Variants in TMEM230 observed in about 807,000 individuals in gnomAD.
TMEM230 encodes transmembrane protein 230, also known as UPF0414 transmembrane protein C20orf30.
A neutral mutation model predicts 15.8 loss-of-function variants in TMEM230; 10 were observed. The observed-to-expected ratio is 0.63, with a 90% CI of 0.39 to 1.07. TMEM230 has a LOEUF of 1.07. TMEM230 is among the 50% of genes least tolerant of loss of function. The probability of loss-of-function intolerance (pLI) is 0.01; values close to 1 mark genes in which losing one functional copy is unlikely to be tolerated. For synonymous variants in TMEM230, 67 were observed against 76.9 expected, an observed-to-expected ratio of 0.87 and a Z score of 0.68; for missense variants, 165 against 193.3, an observed-to-expected ratio of 0.85 and a Z score of 0.87.
At chr20:5,112,642 CTCCCTCAGCACCTGAATGT>C (rs1419834145) in intron 1 of TMEM230, 5 of 1,294,938 alleles carry the variant, frequency 3.9e-6, no homozygotes, top group Non-Finnish European at 4.9e-6. Flanking sequence ...TACCCCCAAA[CTCCCTCAGCACCTGAATGT>C]TACGAGAGTT....
At chr20:5,075,317 G>C (rs1048785945) in intron 3 of TMEM230, among the ~76,000 whole-genome samples, 1 of 151,392 alleles carries the variant, frequency 6.6e-6, no homozygotes, top group African/African-American at 2.4e-5. Context: ...CACCCGTCTC[G>C]GCCTCCCAAA....
At chr20:5,105,977 G>A (rs1036553103) in intron 4 of TMEM230, among the ~76,000 whole-genome samples, 21 of 151,964 alleles carry the variant, frequency 1.4e-4, no homozygotes, top group African/African-American at 4.8e-4. Flanking sequence ...GAGGTGAGAG[G>A]ATCGCTTGAG....
Position 5,109,392 on chromosome 20 carries a change from G to A in TMEM230, c.228C>T (p.Pro76=), listed in dbSNP as rs1568509221. The change falls in exon 3 of 5, where the codon CCC becomes CCT. Residue 76 remains proline (P), a synonymous_variant. Transcript: ENST00000342308. ...GCCTTGAATATTTCACTTTACTACT[G>A]GGGATTCCAGTAGCCAGGTTGGTAC... 2 of 1,613,812 alleles carry A rather than the reference G, an allele frequency of 1.2e-6. No homozygotes were observed. Among genetic ancestry groups the A allele is most frequent in the Non-Finnish European group, 1.7e-6 (2 of 1,179,826 alleles).
At chr20:5,104,334 A>T (rs1192957245) in intron 4 of TMEM230, among the ~76,000 whole-genome samples, 1 of 152,246 alleles carries the variant, frequency 6.6e-6, no homozygotes, top group Non-Finnish European at 1.5e-5. Flanking sequence ...TGCTGGGACT[A>T]CAGGCGTGAG....
At chr20:5,076,822 C>A (rs2089017642) in intron 3 of TMEM230, among the ~76,000 whole-genome samples, 1 of 150,664 alleles carries the variant, frequency 6.6e-6, no homozygotes, top group African/African-American at 2.4e-5. Context: ...GGATTACAGG[C>A]AAGCGCCACT....
downstream of TMEM230, chr20:5,098,363 A>T (rs1265042801): frequency 6.6e-6 from 1 of 152,202 alleles, no homozygotes; most frequent in Non-Finnish European, 1.5e-5. Context: ...AATGTTCAAC[A>T]TTATTATGGA....
chr20:5,103,613 A>C (rs1361694724), intron 4 of TMEM230, among the ~76,000 whole-genome samples: 3 of 151,042 alleles, frequency 2.0e-5, no homozygotes. Flanking sequence ...CCTGGATGAC[A>C]CAGTGAGATT....
At chr20:5,106,341 C>T (rs766213410) in intron 3 of TMEM230, 31 bp from the exon 3 acceptor site, 17 of 1,573,352 alleles carry the variant, frequency 1.1e-5, no homozygotes, top group Admixed American at 6.1e-5. Flanking sequence ...AAAAAGACAA[C>T]GAAGAACATT....
At chr20:5,111,392 C>CA (rs2090310420) in intron 2 of TMEM230, 1 of 152,644 alleles carries the variant, frequency 6.6e-6, no homozygotes, top group African/African-American at 2.4e-5. Context: ...AGATGGATCA[C>CA]AAGGTCAGGA....
At chr20:5,070,746 T>C (rs1263271447) in intron 3 of TMEM230, among the ~76,000 whole-genome samples, 4 of 152,254 alleles carry the variant, frequency 2.6e-5, no homozygotes, top group Non-Finnish European at 5.9e-5. Flanking sequence ...GCAAATAACC[T>C]GGCAGATTTT....
rs1385328634 is a variant in TMEM230 at position 5,086,086 on chromosome 20, T to G, written c.223-16737A>C. On this transcript the variant is annotated intron_variant, in intron 3 of 3. Transcript: ENST00000612323. The stretch of plus-strand genomic sequence containing the variant: ...GTGCTTTTCCATGTATGTATTATAG[T>G]TCACAATGAAAAGGGTTTTAATATG... Among the ~76,000 whole-genome samples, 3 of 152,104 alleles carry G rather than the reference T, an allele frequency of 2.0e-5. 1 individual carries two copies. Among genetic ancestry groups the G allele is most frequent in the Admixed American group, 2.0e-4 (3 of 15,254 alleles).
At chr20:5,059,423 C>CA in the TMEM230 span, among the ~76,000 whole-genome samples, 850 of 151,242 alleles carry the variant, frequency 5.6e-3, 13 homozygotes, top group African/African-American at 0.019. Context: ...TAGAAAAATG[C>CA]AAAAAAAACT....
chr20:5,108,354 G>C (rs1050935567), intron 3 of TMEM230, among the ~76,000 whole-genome samples: 1 of 151,378 alleles, frequency 6.6e-6, no homozygotes, highest in Non-Finnish European at 1.5e-5. Context: ...GGGAGGCAGA[G>C]GTTGCAGTGA....
At chr20:5,103,378 C>T (rs1257423429) in intron 4 of TMEM230, among the ~76,000 whole-genome samples, 2 of 151,932 alleles carry the variant, frequency 1.3e-5, no homozygotes, top group Admixed American at 6.6e-5. Flanking sequence ...GTGGGAGGAT[C>T]GACTGAGCCC....
At chr20:5,103,754 C>A (rs2089964240) in intron 4 of TMEM230, among the ~76,000 whole-genome samples, 11 of 151,880 alleles carry the variant, frequency 7.2e-5, no homozygotes. Flanking sequence ...TGAAACTAGA[C>A]CCCTCAAATC....
intron 3 of TMEM230, among the ~76,000 whole-genome samples, chr20:5,091,297 G>A (rs753616185): frequency 9.2e-5 from 14 of 152,048 alleles, no homozygotes; most frequent in Non-Finnish European, 1.9e-4. Context: ...GGCAACCTCT[G>A]CCTCCCCGGT....
intron 3 of TMEM230, among the ~76,000 whole-genome samples, chr20:5,091,856 T>C (rs189938635): frequency 6.3e-4 from 96 of 152,312 alleles, no homozygotes; most frequent in African/African-American, 2.3e-3. Flanking sequence ...AAGGTTAGAT[T>C]AAAGCTGACA....
intron 3 of TMEM230, among the ~76,000 whole-genome samples, chr20:5,107,691 G>C (rs1442017636): frequency 1.3e-5 from 2 of 151,978 alleles, no homozygotes; most frequent in African/African-American, 4.8e-5. Flanking sequence ...GCACATGCTT[G>C]TGGTCCCAGC....
chr20:5,098,106 T>C (rs1431409950), downstream of TMEM230, among the ~76,000 whole-genome samples: 1 of 150,488 alleles, frequency 6.6e-6, no homozygotes, highest in East Asian at 2.0e-4. Context: ...GCCTCCCAAG[T>C]AGCTGGGATT....
Sources: allele counts gnomAD v4.1 joint callset (sites outside exome capture counted in the v4.1 genomes callset), GRCh38; gene constraint gnomAD v4.1.1; transcripts MANE v1.5; gene names NCBI Gene and HGNC (gene_info 2026-07-23, HGNC 2026-07-21).